DNAH11: variants seen among roughly 807,000 people sequenced by gnomAD.
DNAH11 encodes the protein dynein axonemal heavy chain 11.
DNAH11 carries 442 observed loss-of-function variants against 526.0 expected under a neutral mutation model. The observed-to-expected ratio is 0.84, with a 90% CI of 0.78 to 0.91. DNAH11 has a LOEUF of 0.91. Among genes scored for constraint, DNAH11 ranks in the 40% least tolerant of loss-of-function variants. The pLI is 0.00. For missense variants in DNAH11, 6,989 were observed against 5,448.7 expected (o/e 1.28, Z -8.90); for synonymous variants, 2,461 against 1,935.9 (o/e 1.27, Z -7.12).
chr7:21,741,393 A>C (rs559329915), intron 48 of DNAH11, among the ~76,000 whole-genome samples: 1 of 152,356 alleles, frequency 6.6e-6, no homozygotes, highest in Non-Finnish European at 1.5e-5. Context: ...CAATTATGAA[A>C]GAAGCTGCTA....
chr7:21,895,095 C>T (rs1313424417), intron 79 of DNAH11, 96 bp downstream of exon 79: 3 of 1,002,796 alleles, frequency 3.0e-6, no homozygotes, highest in Non-Finnish European at 4.6e-6. Flanking sequence ...GCAGACGGAG[C>T]TTTGTGACTG....
At chr7:21,691,401 C>A (rs927956580) in intron 35 of DNAH11, among the ~76,000 whole-genome samples, 1 of 151,442 alleles carries the variant, frequency 6.6e-6, no homozygotes, top group Non-Finnish European at 1.5e-5. Flanking sequence ...GTCCTCCCAG[C>A]CTGGTCCCAC....
At chr7:21,724,957 G>A (rs1474032913) in intron 44 of DNAH11, among the ~76,000 whole-genome samples, 2 of 152,146 alleles carry the variant, frequency 1.3e-5, no homozygotes, top group African/African-American at 4.8e-5. Context: ...CACTGGGACA[G>A]GTCATCCTGT....
chr7:21,765,899 A>G (rs1178555322), intron 55 of DNAH11, among the ~76,000 whole-genome samples: 1 of 152,184 alleles, frequency 6.6e-6, no homozygotes, highest in Non-Finnish European at 1.5e-5. Flanking sequence ...CAGGATCATT[A>G]CTTCCTTGAA....
intron 65 of DNAH11, 58 bp downstream of exon 65, chr7:21,818,397 A>G (rs1355522674): frequency 2.6e-6 from 4 of 1,557,432 alleles, no homozygotes; most frequent in South Asian, 2.4e-5. Flanking sequence ...CAGCAGCAGC[A>G]TCTCTTAGCT....
intron 5 of DNAH11, among the ~76,000 whole-genome samples, chr7:21,563,423 G>A (rs1181607506): frequency 3.3e-5 from 5 of 152,046 alleles, no homozygotes. Context: ...TTCCCAGGCT[G>A]GTTTCGAATT....
At chr7:21,858,701 G>A (rs979357382) in intron 68 of DNAH11, among the ~76,000 whole-genome samples, 1 of 152,214 alleles carries the variant, frequency 6.6e-6, no homozygotes, top group Non-Finnish European at 1.5e-5. Context: ...GTCAGTAATT[G>A]ACTGGGGCTG....
intron 45 of DNAH11, among the ~76,000 whole-genome samples, chr7:21,727,813 A>G (rs1785196588): frequency 6.6e-6 from 1 of 152,204 alleles, no homozygotes; most frequent in Admixed American, 6.5e-5. Flanking sequence ...CACAAACAAT[A>G]AAAACGTGTT....
chr7:21,837,876 G>A (rs1782052836), intron 65 of DNAH11, among the ~76,000 whole-genome samples: 1 of 152,024 alleles, frequency 6.6e-6, no homozygotes, highest in African/African-American at 2.4e-5. Context: ...TGAGATGATG[G>A]ATATGCTAAA....
chr7:21,650,210 G>T (rs1027558322), intron 28 of DNAH11, among the ~76,000 whole-genome samples: 2 of 152,080 alleles, frequency 1.3e-5, no homozygotes, highest in Non-Finnish European at 2.9e-5. Flanking sequence ...CTGATATACG[G>T]ATATGTTTAA....
chr7:21,854,596 C>A (rs1363442902), intron 68 of DNAH11, 141 bp downstream of exon 68: 31 of 992,386 alleles, frequency 3.1e-5, no homozygotes, highest in Non-Finnish European at 2.8e-6. Flanking sequence ...GTAGCCCAGG[C>A]TGGAGTGCAG....
chr7:21,722,035 G>A (rs989107568), intron 44 of DNAH11, among the ~76,000 whole-genome samples: 6 of 152,072 alleles, frequency 3.9e-5, no homozygotes, highest in Non-Finnish European at 7.4e-5. Flanking sequence ...ACAAACATTT[G>A]CACCAGCACA....
At position 21,744,606 on chromosome 7, in the gene DNAH11, G is replaced by T; in HGVS notation, c.8316+7G>T. The T allele has an allele frequency of 6.2e-7, 1 of 1,612,306 alleles. No homozygotes were observed. The highest frequency in any genetic ancestry group is 8.5e-7 in the Non-Finnish European group (1 of 1,179,576). On this transcript the variant is annotated splice_region_variant and intron_variant, in intron 50 of 81. Coordinates refer to ENST00000409508, the MANE Select transcript of DNAH11 (RefSeq NM_001277115.2). The stretch of plus-strand genomic sequence containing the variant: ...TGCTTATAAATATTTTGAAGTAAGC[G>T]TATGAATGTCAGAGGTCACTACTTA...
intron 51 of DNAH11, among the ~76,000 whole-genome samples, chr7:21,745,487 G>C (rs1028821593): frequency 1.3e-5 from 2 of 152,118 alleles, no homozygotes; most frequent in Non-Finnish European, 2.9e-5. Context: ...TTAGAAAAAG[G>C]CATCTGTCCT....
At chr7:21,683,737 C>A in intron 31 of DNAH11, 47 bp from the exon 32 acceptor site, 1 of 1,472,904 alleles carries the variant, frequency 6.8e-7, no homozygotes, top group Non-Finnish European at 9.0e-7. Context: ...AACTTGTTGC[C>A]CCAAACTACC....
chr7:21,802,252 C>G (rs1380016679), intron 62 of DNAH11, among the ~76,000 whole-genome samples: 1 of 152,152 alleles, frequency 6.6e-6, no homozygotes, highest in Non-Finnish European at 1.5e-5. Context: ...CTCCATTAGT[C>G]GTTAGAGAAA....
Position 21,610,237 on chromosome 7 carries a change from G to C in DNAH11, c.3852+3504G>C, listed in dbSNP as rs559997033. Among the ~76,000 whole-genome samples, 7 of 152,304 alleles carry C rather than the reference G, an allele frequency of 4.6e-5. No homozygotes were observed. In the South Asian group the frequency reaches 1.4e-3, roughly 32 times the overall value. On this transcript the variant is annotated intron_variant, in intron 20 of 81. Transcript: ENST00000409508. ...CCACTTCACTCCAGCCTGGGCGACAGTGCGAGACTCCATCTCAAAAAAACA... is the reference window on the plus strand; with the variant it reads ...CCACTTCACTCCAGCCTGGGCGACACTGCGAGACTCCATCTCAAAAAAACA...
At chr7:21,723,527 A>G (rs1029597) in intron 44 of DNAH11, among the ~76,000 whole-genome samples, 132,496 of 152,284 alleles carry the variant, frequency 0.87, 57,857 homozygotes, top group African/African-American at 0.95. Flanking sequence ...TTCTGCATTT[A>G]TTCTGATAAT....
chr7:21,557,919 T>G (rs1269976287), intron 2 of DNAH11, among the ~76,000 whole-genome samples: 4 of 152,192 alleles, frequency 2.6e-5, no homozygotes, highest in Non-Finnish European at 5.9e-5. Context: ...TAGCTTGACA[T>G]GTAATGGGTG....
Sources: gnomAD v4.1 joint callset for allele counts (sites outside exome capture counted in the v4.1 genomes callset) on GRCh38, gnomAD v4.1.1 for gene constraint, MANE v1.5 for transcripts, NCBI Gene and HGNC (gene_info 2026-07-23, HGNC 2026-07-21) for gene names.